The following ACAD10 variants were observed in gnomAD, a reference collection of about 807,000 sequenced individuals.
ACAD10 encodes the protein ACAD-10.
Under a neutral mutation model 116.8 loss-of-function variants are expected in ACAD10, and 112 were observed. That is an observed-to-expected ratio of 0.96 (90% CI 0.82 to 1.12). The LOEUF is 1.12. Ranked by LOEUF, ACAD10 falls within the 50% of genes most tolerant of loss-of-function variation. The probability of loss-of-function intolerance (pLI) is 0.00; values close to 1 mark genes in which losing one functional copy is unlikely to be tolerated. For missense variants in ACAD10, 1,259 were observed against 1,350.2 expected (o/e 0.93, Z 1.06); for synonymous variants, 486 against 510.6 (o/e 0.95, Z 0.65).
At chr12:111,716,657 C>T (rs1231825770) in intron 7 of ACAD10, among the ~76,000 whole-genome samples, 1 of 152,084 alleles carries the variant, frequency 6.6e-6, no homozygotes, top group African/African-American at 2.4e-5. Context: ...GAATTGAAGA[C>T]CAGCCTGGAC....
rs1435604272 is a variant in ACAD10, at chr12:111,753,864, A to C, written c.2910A>C (p.Ala970=). Residue 970 remains alanine, a synonymous_variant, in exon 19 of 21, where the codon GCA becomes GCC. Coordinates refer to ENST00000313698, the MANE Select transcript of ACAD10 (RefSeq NM_025247.6). ...IAQSRVEIEQ[A]RLLVLRAAHL... is the part of the protein sequence containing the mutation. ...AGTCGCGCGTGGAGATTGAGCAGGC[A>C]CGGCTGCTGGTGCTGAGAGCTGCCC... 3.7e-6 allele frequency: 6 copies of C among 1,613,126 alleles called. No homozygotes were observed. Among genetic ancestry groups the C allele is most frequent in the Non-Finnish European group, 5.1e-6 (6 of 1,179,650 alleles).
chr12:111,700,416 T>C (rs1169550345), intron 2 of ACAD10, among the ~76,000 whole-genome samples: 3 of 152,334 alleles, frequency 2.0e-5, no homozygotes, highest in East Asian at 1.9e-4. Context: ...TAAATATATA[T>C]GGAAGAAATT....
intron 18 of ACAD10, among the ~76,000 whole-genome samples, chr12:111,751,992 A>G (rs1463358394): frequency 6.7e-6 from 1 of 148,932 alleles, no homozygotes; most frequent in Non-Finnish European, 1.5e-5. Flanking sequence ...CGGGAGGTGG[A>G]GGTTGCGGTG....
chr12:111,736,498 G>A (rs1164136010), intron 11 of ACAD10, among the ~76,000 whole-genome samples: 2 of 152,070 alleles, frequency 1.3e-5, no homozygotes, highest in African/African-American at 4.8e-5. Flanking sequence ...ACCTGAGATC[G>A]CTCTTTCCAT....
intron 8 of ACAD10, among the ~76,000 whole-genome samples, chr12:111,724,073 G>T (rs906729575): frequency 4.0e-5 from 6 of 150,486 alleles, no homozygotes; most frequent in African/African-American, 1.5e-4. Flanking sequence ...TGTGATGGCG[G>T]CCGGGAAGAG....
At position 111,702,072 on chromosome 12, in the gene ACAD10, C is replaced by T; in HGVS notation, c.188-90C>T. On this transcript the variant is annotated intron_variant, in intron 2 of 20. Transcript: ENST00000313698. Reference sequence around the variant, plus strand: ...CATCCACCCTGGCAGTACAGCGAGTCCGTAGGAACTGGTATGGTAATTTTC... The same window carrying T: ...CATCCACCCTGGCAGTACAGCGAGTTCGTAGGAACTGGTATGGTAATTTTC... The T allele has an allele frequency of 1.1e-5, 15 of 1,366,272 alleles. No individual in the cohort carries two copies. The South Asian group carries it at 2.1e-4, about 19-fold the overall frequency. 84.6% of individuals were successfully genotyped at this position (1,366,272 alleles called of 1,614,324 possible).
At chr12:111,704,980 C>T (rs2135952157) in intron 3 of ACAD10, among the ~76,000 whole-genome samples, 1 of 152,086 alleles carries the variant, frequency 6.6e-6, no homozygotes, top group South Asian at 2.1e-4. Flanking sequence ...AGCCACTGCG[C>T]CCAGCCTTAT....
At chr12:111,750,290 A>AC (rs1298832217) in intron 18 of ACAD10, among the ~76,000 whole-genome samples, 1 of 150,152 alleles carries the variant, frequency 6.7e-6, no homozygotes, top group African/African-American at 2.5e-5. Context: ...ATGGGGTTTC[A>AC]CCATGTTAGC....
chr12:111,746,299 G>A lies in ACAD10; in HGVS notation c.2256+15G>A, dbSNP rs1889898335. The A allele has an allele frequency of 6.2e-7, 1 of 1,607,076 alleles. No homozygotes were observed. The highest frequency in any genetic ancestry group is 8.5e-7 in the Non-Finnish European group (1 of 1,177,680). On this transcript the variant is annotated intron_variant, in intron 14 of 20. Coordinates refer to ENST00000313698, the MANE Select transcript of ACAD10 (RefSeq NM_025247.6). ...ATGCCCCCGAGGTACCTTCTTTAAA[G>A]TTTTCCTCAGTGTGTGGGAACATCC...
At chr12:111,706,782 A>T (rs56750693) in intron 4 of ACAD10, among the ~76,000 whole-genome samples, 43,544 of 125,972 alleles carry the variant, frequency 0.35, 8,267 homozygotes, top group African/African-American at 0.52. Flanking sequence ...ATATATATAT[A>T]TTTTTTTTTT....
intron 10 of ACAD10, among the ~76,000 whole-genome samples, chr12:111,730,316 G>T (rs1374996740): frequency 6.6e-6 from 1 of 152,162 alleles, no homozygotes; most frequent in Non-Finnish European, 1.5e-5. Flanking sequence ...CTGTTTGAAA[G>T]TAAGGCAGAG....
chr12:111,703,698 C>G (rs890059271), intron 3 of ACAD10, among the ~76,000 whole-genome samples: 1 of 151,770 alleles, frequency 6.6e-6, no homozygotes, highest in Non-Finnish European at 1.5e-5. Flanking sequence ...TTTAGCCAGG[C>G]GTGGTGGTGG....
At chr12:111,705,993 A>G (rs999724999) in intron 4 of ACAD10, 61 bp downstream of exon 4, 51 of 1,554,074 alleles carry the variant, frequency 3.3e-5, no homozygotes, top group Middle Eastern at 1.7e-4. Context: ...TCAGGGTGCA[A>G]TGTTAAATGC....
intron 18 of ACAD10, among the ~76,000 whole-genome samples, chr12:111,752,578 C>T (rs964857361): frequency 1.3e-5 from 2 of 151,990 alleles, no homozygotes; most frequent in African/African-American, 4.8e-5. Context: ...CACTGCACTC[C>T]AGCCTGGGCA....
At chr12:111,733,799 G>GC in intron 10 of ACAD10, 124 bp from the exon 11 acceptor site, 1 of 1,197,928 alleles carries the variant, frequency 8.3e-7, no homozygotes, top group Admixed American at 1.9e-5. Context: ...GGGAGCTCAG[G>GC]CACCCGGGCA....
At chr12:111,738,906 T>C (rs929486759) in intron 12 of ACAD10, among the ~76,000 whole-genome samples, 1 of 140,900 alleles carries the variant, frequency 7.1e-6, no homozygotes, top group African/African-American at 2.7e-5. Flanking sequence ...AGTCCATGAG[T>C]AGTGATACAA....
At chr12:111,727,211 G>A (rs1417999782) in intron 8 of ACAD10, among the ~76,000 whole-genome samples, 1 of 152,006 alleles carries the variant, frequency 6.6e-6, no homozygotes, top group Non-Finnish European at 1.5e-5. Flanking sequence ...GGGCGACAGA[G>A]CAAGACTCCA....
intron 19 of ACAD10, among the ~76,000 whole-genome samples, chr12:111,755,307 T>C (rs1890178862): frequency 6.6e-6 from 1 of 152,172 alleles, no homozygotes; most frequent in African/African-American, 2.4e-5. Flanking sequence ...TTTCACTATA[T>C]GTTGGCCAGG....
intron 16 of ACAD10, among the ~76,000 whole-genome samples, chr12:111,748,032 A>T (rs1889964643): frequency 6.6e-6 from 1 of 152,118 alleles, no homozygotes; most frequent in African/African-American, 2.4e-5. Flanking sequence ...GCTGGCAGGG[A>T]TCAAGTAGCG....
Sources: allele counts gnomAD v4.1 joint callset (sites outside exome capture counted in the v4.1 genomes callset), GRCh38; gene constraint gnomAD v4.1.1; transcripts MANE v1.5; gene names NCBI Gene and HGNC (gene_info 2026-07-23, HGNC 2026-07-21).